Variants in DLG2 observed in about 807,000 individuals in gnomAD.
The protein encoded by DLG2 is discs large MAGUK scaffold protein 2.
In DLG2, 45 loss-of-function variants were observed where a neutral mutation model predicts 132.5. The ratio of observed to expected loss-of-function variants is 0.34; its 90% confidence interval spans 0.27 to 0.44. DLG2 has a LOEUF of 0.44. Ranked by LOEUF, DLG2 falls within the 20% of genes least tolerant of loss-of-function variation. The probability of loss-of-function intolerance (pLI) is 1.00; values close to 1 mark genes in which losing one functional copy is unlikely to be tolerated. For synonymous variants in DLG2, 424 were observed against 419.6 expected (o/e 1.01, Z -0.13); for missense variants, 1,045 against 1,196.9 (o/e 0.87, Z 1.87).
Position 84,018,589 on chromosome 11 carries a change from G to A in DLG2, c.920-37947C>T, listed in dbSNP as rs529405229. Among the ~76,000 whole-genome samples the A allele has an allele frequency of 5.0e-4, 76 of 151,900 alleles. 1 individual carries two copies. Among genetic ancestry groups the A allele is most frequent in the Admixed American group, 3.9e-4 (6 of 15,224 alleles). On this transcript the variant is annotated intron_variant, in intron 11 of 27. Coordinates refer to ENST00000376104, the MANE Select transcript of DLG2 (RefSeq NM_001142699.3). The stretch of plus-strand genomic sequence containing the variant: ...ATTACTTGCTTTATTATAAAAGGGC[G>A]TGCCATCACCTATAGTCTAGCAAAG...
intron 4 of DLG2, among the ~76,000 whole-genome samples, chr11:85,250,453 G>C (rs1247905014): frequency 6.6e-6 from 1 of 152,078 alleles, no homozygotes; most frequent in Non-Finnish European, 1.5e-5. Flanking sequence ...TTTAATAAAA[G>C]AAGTTAATCC....
intron 5 of DLG2, among the ~76,000 whole-genome samples, chr11:85,137,737 G>A (rs965300873): frequency 1.3e-5 from 2 of 152,056 alleles, no homozygotes; most frequent in African/African-American, 4.8e-5. Flanking sequence ...CACCCACCTG[G>A]CCTCCTATCC....
At chr11:85,080,977 TATAATA>T (rs1314846223) in intron 6 of DLG2, among the ~76,000 whole-genome samples, 1 of 152,144 alleles carries the variant, frequency 6.6e-6, no homozygotes, top group East Asian at 1.9e-4. Flanking sequence ...AACTACATTA[TATAATA>T]ATAATTTGAT....
rs549197355 is a variant in DLG2, at chr11:83,541,325, T to C, written c.2117+357A>G. 1.1e-3 allele frequency among the ~76,000 whole-genome samples: 162 copies of C among 152,258 alleles called. 1 individual carries two copies. Among genetic ancestry groups the C allele is most frequent in the Middle Eastern group, 3.4e-3 (1 of 294 alleles). The stretch of plus-strand genomic sequence containing the variant: ...CGACTTGGCCTTTCTATAACATTCA[T>C]TGGTAAATGTTGAAACTCTGGAAAT... On this transcript the variant is annotated intron_variant, in intron 20 of 27. Coordinates refer to ENST00000376104, the MANE Select transcript of DLG2 (RefSeq NM_001142699.3).
intron 6 of DLG2, among the ~76,000 whole-genome samples, chr11:84,748,331 C>G (rs1339387963): frequency 6.6e-6 from 1 of 152,160 alleles, no homozygotes; most frequent in Non-Finnish European, 1.5e-5. Context: ...GGGCCCTGCT[C>G]TCAAGTAGCT....
chr11:85,165,911 T>C (rs1321886516), intron 4 of DLG2, among the ~76,000 whole-genome samples: 1 of 152,076 alleles, frequency 6.6e-6, no homozygotes, highest in East Asian at 1.9e-4. Flanking sequence ...CCTCACTGTC[T>C]TCCTAGTTCT....
chr11:83,499,852 GATATATATATATATATATATATAT>G (rs60890814), intron 21 of DLG2, among the ~76,000 whole-genome samples: 1,723 of 61,682 alleles, frequency 0.028, 76 homozygotes, highest in African/African-American at 0.075. Context: ...ACTAATAGGA[GATATATATATATATATATATATAT>G]ATATATATAT....
At chr11:84,884,849 T>C (rs2087967452) in intron 6 of DLG2, among the ~76,000 whole-genome samples, 1 of 152,102 alleles carries the variant, frequency 6.6e-6, no homozygotes, top group Non-Finnish European at 1.5e-5. Flanking sequence ...CAGTTTTACA[T>C]TGTGTGCCTT....
intron 6 of DLG2, among the ~76,000 whole-genome samples, chr11:84,784,346 A>AATT (rs1565953070): frequency 8.9e-5 from 13 of 145,488 alleles, no homozygotes; most frequent in Non-Finnish European, 1.4e-4. Flanking sequence ...ATAAATAAAT[A>AATT]AATAAATAAA....
chr11:85,462,564 C>T (rs895055313), intron 3 of DLG2, among the ~76,000 whole-genome samples: 3 of 151,958 alleles, frequency 2.0e-5, no homozygotes, highest in Non-Finnish European at 4.4e-5. Flanking sequence ...AAAAACCAAA[C>T]ACCGCATGTT....
At chr11:83,590,647 G>A (rs1462127946) in intron 19 of DLG2, among the ~76,000 whole-genome samples, 1 of 152,070 alleles carries the variant, frequency 6.6e-6, no homozygotes, top group African/African-American at 2.4e-5. Context: ...AATCAGAGCA[G>A]AACTGAAGGT....
chr11:83,723,565 T>C (rs2089256287), intron 18 of DLG2, among the ~76,000 whole-genome samples: 2 of 151,986 alleles, frequency 1.3e-5, no homozygotes, highest in Admixed American at 1.3e-4. Context: ...AGAAGCATTA[T>C]CTTGGGGGGC....
intron 6 of DLG2, among the ~76,000 whole-genome samples, chr11:84,733,265 A>G (rs1032826715): frequency 7.2e-5 from 11 of 152,192 alleles, no homozygotes; most frequent in African/African-American, 2.7e-4. Context: ...CAACAGTGTA[A>G]GAGTGTTCCT....
At chr11:84,712,270 T>G (rs2060534903) in intron 6 of DLG2, among the ~76,000 whole-genome samples, 2 of 152,028 alleles carry the variant, frequency 1.3e-5, no homozygotes, top group South Asian at 4.1e-4. Context: ...CCCTCCTTAT[T>G]TTTTTATATT....
intron 9 of DLG2, among the ~76,000 whole-genome samples, chr11:84,144,025 A>C (rs115137480): frequency 1.3e-4 from 20 of 152,220 alleles, no homozygotes; most frequent in African/African-American, 4.6e-4. Context: ...GTTGACTAAG[A>C]AAGGGGAGAA....
intron 5 of DLG2, among the ~76,000 whole-genome samples, chr11:85,141,847 C>A (rs2076502099): frequency 6.6e-6 from 1 of 151,796 alleles, no homozygotes; most frequent in African/African-American, 2.4e-5. Context: ...ACACCTTTGT[C>A]AAAATTGAGT....
At chr11:83,604,713 A>G (rs2059064433) in intron 19 of DLG2, among the ~76,000 whole-genome samples, 2 of 152,168 alleles carry the variant, frequency 1.3e-5, no homozygotes, top group South Asian at 4.1e-4. Context: ...CAGGTGTGGA[A>G]TTTTGATAAT....
chr11:84,420,394 T>G (rs1043133826), intron 7 of DLG2, among the ~76,000 whole-genome samples: 1 of 152,112 alleles, frequency 6.6e-6, no homozygotes, highest in Non-Finnish European at 1.5e-5. Context: ...CCTAAGGATA[T>G]TTACTGCATT....
At chr11:84,041,022 T>C (rs1370322752) in intron 11 of DLG2, among the ~76,000 whole-genome samples, 1 of 151,620 alleles carries the variant, frequency 6.6e-6, no homozygotes, top group East Asian at 1.9e-4. Context: ...GCTCTCTGTT[T>C]GTCTGTTGTT....
Sources: allele counts gnomAD v4.1 joint callset (sites outside exome capture counted in the v4.1 genomes callset), GRCh38; gene constraint gnomAD v4.1.1; transcripts MANE v1.5; gene names NCBI Gene and HGNC (gene_info 2026-07-23, HGNC 2026-07-21).